The following TRAF4 variants were observed in gnomAD, a reference collection of about 807,000 sequenced individuals.
TRAF4 encodes TNF receptor associated factor 4, also known as TNF receptor-associated factor 4.
TRAF4 carries 9 observed loss-of-function variants against 47.3 expected under a neutral mutation model. That is an observed-to-expected ratio of 0.19 (90% CI 0.11 to 0.33). The LOEUF (loss-of-function observed/expected upper bound fraction) is 0.33. TRAF4 is among the 10% of genes least tolerant of loss of function. The pLI is 1.00. For missense variants in TRAF4, 448 were observed against 620.3 expected (o/e 0.72, Z 2.95); for synonymous variants, 236 against 236.9 (o/e 1.00, Z 0.04).
chr17:28,748,232 C>T (rs1266828976), intron 4 of TRAF4, 30 bp from the exon 5 acceptor site: 2 of 1,612,446 alleles, frequency 1.2e-6, no homozygotes, highest in Non-Finnish European at 1.7e-6. Context: ...GCCTAGGCAT[C>T]TCTTAACTCA....
chr17:28,744,272 AG>A lies in TRAF4; in HGVS notation c.143+21del. The A allele has an allele frequency of 2.8e-6, 1 of 358,328 alleles. No individual in the cohort carries two copies. The highest frequency in any genetic ancestry group is 2.2e-5 in the South Asian group (1 of 45,942). 22.2% of individuals were successfully genotyped at this position (358,328 alleles called of 1,614,324 possible). A position where few individuals can be genotyped will look rare whatever the true frequency, so the allele number is the denominator to read the frequency against. On this transcript the variant is annotated intron_variant, in intron 1 of 6. Coordinates refer to ENST00000262395, the MANE Select transcript of TRAF4 (RefSeq NM_004295.4). ...GTTCCTCAGGTGCTGGCCGGGGAGC[AG>A]GGGACAGCGGGGGCGGGGCGGGGCG...
rs750354713 is a variant in TRAF4, at chr17:28,748,241, C to T, written c.463-21C>T. On this transcript the variant is annotated intron_variant, in intron 4 of 6. Coordinates refer to ENST00000262395, the MANE Select transcript of TRAF4 (RefSeq NM_004295.4). ...CTGATGGCCTAGGCATCTCTTAACT[C>T]AGCACCTCTGACATTTCCAGAGCCA... The T allele has an allele frequency of 1.9e-6, 3 of 1,612,462 alleles. No individual in the cohort carries two copies. The South Asian group carries it at 3.3e-5, about 18-fold the overall frequency.
rs747138175 is a variant in TRAF4, at chr17:28,748,319, C to T, written c.520C>T (p.Arg174Cys). The T allele has an allele frequency of 6.8e-6, 11 of 1,613,588 alleles. No individual in the cohort carries two copies. Among genetic ancestry groups the T allele is most frequent in the Admixed American group, 1.7e-5 (1 of 59,966 alleles). Reference sequence around the variant, plus strand: ...CTACTGTGAGAATAAGTGTGGTGCCCGCATGATGCGGCGGCTGCTGGCCCA... The same window carrying T: ...CTACTGTGAGAATAAGTGTGGTGCCTGCATGATGCGGCGGCTGCTGGCCCA... ...SVYCENKCGA[R>C]MMRRLLAQHA... The change falls in exon 5 of 7, where the codon CGC becomes TGC. Residue 174 changes from arginine to cysteine, a missense_variant. Coordinates refer to ENST00000262395, the MANE Select transcript of TRAF4 (RefSeq NM_004295.4).
chr17:28,749,511 CTA>C lies in TRAF4; in HGVS notation c.1349_1350del (p.Tyr450CysfsTer4). ...ISHQDIRKRN[Y>X]VRDDAVFIRA... is the part of the protein sequence containing the mutation. ...CCCACCAGGACATTCGAAAGCGAAA[CTA>C]TGTGCGGGATGATGCAGTCTTCATC... On this transcript the variant is annotated frameshift_variant, in exon 7 of 7. Transcript: ENST00000262395. LOFTEE classifies it high-confidence loss of function. 4 of 1,613,900 alleles carry C rather than the reference CTA, an allele frequency of 2.5e-6. No homozygotes were observed. The highest frequency in any genetic ancestry group is 1.1e-5 in the South Asian group (1 of 91,086).
At chr17:28,748,210 G>C in intron 4 of TRAF4, 32 bp downstream of exon 4, 1 of 1,613,158 alleles carries the variant, frequency 6.2e-7, no homozygotes, top group Non-Finnish European at 8.5e-7. Context: ...GTGGAGGAGG[G>C]GGTACCTGAT....
intron 2 of TRAF4, 31 bp from the exon 3 acceptor site, chr17:28,747,812 C>T (rs1246184420): frequency 1.2e-6 from 2 of 1,601,196 alleles, no homozygotes; most frequent in East Asian, 2.3e-5. Context: ...TCAGCTCTGA[C>T]CCTGGCCAGT....
chr17:28,747,168 T>A, intron 1 of TRAF4, 45 bp from the exon 2 acceptor site: 1 of 1,600,912 alleles, frequency 6.2e-7, no homozygotes, highest in East Asian at 2.2e-5. Context: ...CAGGCCTCCC[T>A]TTCCCCTAAT....
In TRAF4 at chr17:28,748,102, A is replaced by G. The variant is rs1226868584; in HGVS notation, c.386A>G (p.His129Arg). 2 of 1,614,000 alleles carry G rather than the reference A, an allele frequency of 1.2e-6. No homozygotes were observed. Among genetic ancestry groups the G allele is most frequent in the Non-Finnish European group, 8.5e-7 (1 of 1,180,026 alleles). Residue 129 changes from histidine (H) to arginine (R), a missense_variant, in exon 4 of 7, where the codon CAC becomes CGC. By Grantham distance (29) the His-to-Arg change is conservative. Coordinates refer to ENST00000262395, the MANE Select transcript of TRAF4 (RefSeq NM_004295.4). ...MKLSRRDLPA[H>R]LQHDCPKRRL... ...CTGAGCCGCCGTGATCTACCTGCAC[A>G]CTTGCAGCATGACTGCCCCAAGCGG...
In TRAF4 at chr17:28,748,389, A is replaced by C. The variant is rs1209486230; in HGVS notation, c.590A>C (p.Tyr197Ser). The change falls in exon 5 of 7, where the codon TAC becomes TCC. Residue 197 changes from tyrosine to serine, a missense_variant. Physicochemically the swap from Tyr to Ser is moderately radical, Grantham distance 144 (BLOSUM62 -2). Transcript: ENST00000262395. ...ECPKRTQPCTYCTKEFVFDTI... is the reference protein window; with the variant it reads ...ECPKRTQPCTSCTKEFVFDTI... ...CCCAAGCGCACTCAGCCCTGCACCT[A>C]CTGCACTAAGGAGTTCGTCTTTGAC... 6.2e-7 allele frequency: 1 copy of C among 1,612,060 alleles called. No individual in the cohort carries two copies. Among genetic ancestry groups the C allele is most frequent in the Non-Finnish European group, 8.5e-7 (1 of 1,178,692 alleles).
rs1403773310 is a variant in TRAF4, at chr17:28,750,899, T to G, written c.*1322T>G. 1 of 152,232 alleles carries G rather than the reference T, an allele frequency of 6.6e-6. No individual in the cohort carries two copies. Among genetic ancestry groups the G allele is most frequent in the African/African-American group, 2.4e-5 (1 of 41,444 alleles). 9.4% of individuals were successfully genotyped at this position (152,232 alleles called of 1,614,324 possible). On this transcript the variant is annotated 3_prime_UTR_variant, in exon 7 of 7. Coordinates refer to ENST00000262395, the MANE Select transcript of TRAF4 (RefSeq NM_004295.4). ...TACACAGGGCCTCCATTACCGTCAC[T>G]GGTGAAATGCGGCTCACCTCCCAGA...
At position 28,748,245 on chromosome 17, in the gene TRAF4, A is replaced by G. The variant is rs780062487; in HGVS notation, c.463-17A>G. 3.1e-6 allele frequency: 5 copies of G among 1,611,784 alleles called. No homozygotes were observed. The highest frequency in any genetic ancestry group is 1.7e-6 in the Non-Finnish European group (2 of 1,178,352). Reference sequence around the variant, plus strand: ...TGGCCTAGGCATCTCTTAACTCAGCACCTCTGACATTTCCAGAGCCATGAG... The same window carrying G: ...TGGCCTAGGCATCTCTTAACTCAGCGCCTCTGACATTTCCAGAGCCATGAG... On this transcript the variant is annotated splice_polypyrimidine_tract_variant and intron_variant, in intron 4 of 6. Transcript: ENST00000262395.
Position 28,744,235 on chromosome 17 carries a change from C to G in TRAF4, c.123C>G (p.Thr41=). ...VSTCGHRFCD[T]CLQEFLSEGV... ...CCTGCGGCCACCGTTTCTGCGATAC[C>G]TGCCTGCAGGAGTTCCTCAGGTGCT... is the stretch of plus-strand genomic sequence containing the variant. Residue 41 remains threonine, a synonymous_variant, in exon 1 of 7, where the codon ACC becomes ACG. Transcript: ENST00000262395. 6.5e-7 allele frequency: 1 copy of G among 1,548,394 alleles called. No homozygotes were observed. Among genetic ancestry groups the G allele is most frequent in the Non-Finnish European group, 8.7e-7 (1 of 1,148,814 alleles).
Position 28,747,122 on chromosome 17 carries a change from G to A in TRAF4, c.144-91G>A, listed in dbSNP as rs1320817775. 7 of 1,476,890 alleles carry A rather than the reference G, an allele frequency of 4.7e-6. No homozygotes were observed. The East Asian group carries it at 1.6e-4, about 34-fold the overall frequency. The allele number at this position is 1,476,890 out of a possible 1,614,324, so 91.5% of individuals were successfully genotyped here. A position where few individuals can be genotyped will look rare whatever the true frequency, so the allele number is the denominator to read the frequency against. ...TAGGCTGGTTGGGAACCGGTCTGGT[G>A]AGGAAGGGAGGCTGCCTCAGTGGAG... On this transcript the variant is annotated intron_variant, in intron 1 of 6. Transcript: ENST00000262395.
At chr17:28,747,501 C>T (rs1234182649) in intron 2 of TRAF4, 24 of 585,934 alleles carry the variant, frequency 4.1e-5, no homozygotes, top group Non-Finnish European at 6.6e-5. Context: ...TCTGTGCCCG[C>T]AAGAAGTGTT....
chr17:28,747,628 C>T (rs749593637), intron 2 of TRAF4: 16 of 598,022 alleles, frequency 2.7e-5, no homozygotes, highest in Non-Finnish European at 4.4e-5. Flanking sequence ...TTGGCTGCCT[C>T]TTCAAAGGAA....
Position 28,748,373 on chromosome 17 carries a change from A to G in TRAF4, c.574A>G (p.Thr192Ala). The change falls in exon 5 of 7, where the codon ACT (threonine) becomes GCT (alanine). Residue 192 changes from threonine (T) to alanine (A), a missense_variant. Thr to Ala is a moderately conservative substitution (Grantham distance 58). Transcript: ENST00000262395. ...TGCCACCTCTGAGTGCCCCAAGCGC[A>G]CTCAGCCCTGCACCTACTGCACTAA... ...QHATSECPKR[T>A]QPCTYCTKEF... 6.2e-7 allele frequency: 1 copy of G among 1,613,402 alleles called. No homozygotes were observed. Among genetic ancestry groups the G allele is most frequent in the Non-Finnish European group, 8.5e-7 (1 of 1,179,782 alleles).
At chr17:28,746,083 A>T (rs569446071) in intron 1 of TRAF4, among the ~76,000 whole-genome samples, 1 of 152,148 alleles carries the variant, frequency 6.6e-6, no homozygotes, top group South Asian at 2.1e-4. Flanking sequence ...CAAGGGGAGG[A>T]GGTGGGTGCT....
At chr17:28,744,286 G>T in intron 1 of TRAF4, 31 bp downstream of exon 1, 2 of 1,494,682 alleles carry the variant, frequency 1.3e-6, no homozygotes, top group South Asian at 2.4e-5. Flanking sequence ...GACAGCGGGG[G>T]CGGGGCGGGG....
At position 28,749,401 on chromosome 17, in the gene TRAF4, A is replaced by G. The variant is rs2034567836; in HGVS notation, c.1237A>G (p.Asn413Asp). Reference sequence around the variant, plus strand: ...CACTGAGACCTTCCACCCCGACCCAAACTGGAAGAATTTCCAGAAGCCAGG... The same window carrying G: ...CACTGAGACCTTCCACCCCGACCCAGACTGGAAGAATTTCCAGAAGCCAGG... ...HVTETFHPDP[N>D]WKNFQKPGTW... Residue 413 changes from asparagine (N) to aspartate (D), a missense_variant, in exon 7 of 7, where the codon AAC (asparagine) becomes GAC (aspartate). Coordinates refer to ENST00000262395, the MANE Select transcript of TRAF4 (RefSeq NM_004295.4). 1 of 1,613,788 alleles carries G rather than the reference A, an allele frequency of 6.2e-7. No individual in the cohort carries two copies. Among genetic ancestry groups the G allele is most frequent in the African/African-American group, 1.3e-5 (1 of 74,894 alleles).
Sources: gnomAD v4.1 joint callset for allele counts (sites outside exome capture counted in the v4.1 genomes callset) on GRCh38, gnomAD v4.1.1 for gene constraint, MANE v1.5 for transcripts, NCBI Gene and HGNC (gene_info 2026-07-23, HGNC 2026-07-21) for gene names.